TCF4: variants seen among roughly 807,000 people sequenced by gnomAD.
The protein encoded by TCF4 is transcription factor 4, also known as SL3-3 enhancer factor 2.
A neutral mutation model predicts 82.1 loss-of-function variants in TCF4; 3 were observed. The ratio of observed to expected loss-of-function variants is 0.04; its 90% CI spans 0.02 to 0.09. The LOEUF is 0.09. Ranked by LOEUF, TCF4 falls within the 10% of genes least tolerant of loss-of-function variation. The probability of loss-of-function intolerance (pLI) is 1.00; values close to 1 mark genes in which losing one functional copy is unlikely to be tolerated. For missense variants in TCF4, 518 were observed against 852.7 expected, an observed-to-expected ratio of 0.61 and a Z score of 4.89; for synonymous variants, 276 against 309.6, an observed-to-expected ratio of 0.89 and a Z score of 1.14.
At chr18:55,244,300 T>C (rs941682257) in intron 15 of TCF4, among the ~76,000 whole-genome samples, 1 of 152,198 alleles carries the variant, frequency 6.6e-6, no homozygotes, top group African/African-American at 2.4e-5. Flanking sequence ...TTGGAAGATA[T>C]AGTCAGTTAT....
chr18:55,613,875 A>G (rs1004705679), intron 2 of TCF4, among the ~76,000 whole-genome samples: 2 of 152,124 alleles, frequency 1.3e-5, no homozygotes, highest in African/African-American at 4.8e-5. Flanking sequence ...GTATGCCACA[A>G]TTTGTTTATC....
chr18:55,574,053 T>C (rs973854409), intron 3 of TCF4, among the ~76,000 whole-genome samples: 2 of 152,222 alleles, frequency 1.3e-5, no homozygotes, highest in Admixed American at 6.5e-5. Flanking sequence ...AAAATTTTAA[T>C]TTCTGCTCAA....
chr18:55,357,460 A>G (rs1174823051), intron 6 of TCF4, among the ~76,000 whole-genome samples: 1 of 152,218 alleles, frequency 6.6e-6, no homozygotes, highest in African/African-American at 2.4e-5. Flanking sequence ...TACTTGCCTT[A>G]AAAATGTTTC....
chr18:55,303,226 TACACACAC>T (rs74180496), intron 8 of TCF4, among the ~76,000 whole-genome samples: 196 of 136,060 alleles, frequency 1.4e-3, no homozygotes, highest in East Asian at 0.014. Flanking sequence ...TCCCAGTACG[TACACACAC>T]ACACACACAC....
intron 3 of TCF4, among the ~76,000 whole-genome samples, chr18:55,552,555 G>A (rs2097268985): frequency 6.6e-6 from 1 of 152,066 alleles, no homozygotes. Flanking sequence ...TTTTTCAGTC[G>A]CCAAGAGGAG....
At chr18:55,300,270 C>T (rs933060381) in intron 8 of TCF4, among the ~76,000 whole-genome samples, 1 of 152,204 alleles carries the variant, frequency 6.6e-6, no homozygotes, top group Non-Finnish European at 1.5e-5. Flanking sequence ...CTGTGGTACA[C>T]TTCCAACCAT....
intron 3 of TCF4, among the ~76,000 whole-genome samples, chr18:55,498,030 C>T (rs935296344): frequency 1.3e-5 from 2 of 152,218 alleles, no homozygotes; most frequent in African/African-American, 2.4e-5. Flanking sequence ...GGGTGACACA[C>T]GTGGCCATGG....
intron 6 of TCF4, among the ~76,000 whole-genome samples, chr18:55,361,809 C>T (rs2085268565): frequency 6.6e-6 from 1 of 152,176 alleles, no homozygotes; most frequent in Non-Finnish European, 1.5e-5. Flanking sequence ...GTTTGGTATG[C>T]CTCAGGCTGT....
At chr18:55,589,853 G>A (rs1467493474), upstream of TCF4, 14 of 1,001,702 alleles carry the variant, frequency 1.4e-5, no homozygotes, top group East Asian at 8.1e-5. Flanking sequence ...CAATGACTGG[G>A]AAGGGGCGGG....
intron 8 of TCF4, among the ~76,000 whole-genome samples, chr18:55,307,709 A>G (rs1459204814): frequency 6.6e-6 from 1 of 152,246 alleles, no homozygotes; most frequent in Non-Finnish European, 1.5e-5. Flanking sequence ...ACAAGCTGAA[A>G]GAGTGCACAG....
chr18:55,616,737 T>C (rs1436607910), intron 2 of TCF4, among the ~76,000 whole-genome samples: 4 of 152,134 alleles, frequency 2.6e-5, no homozygotes, highest in African/African-American at 7.2e-5. Flanking sequence ...GTTGTCCATT[T>C]ATATGTCTCT....
intron 5 of TCF4, among the ~76,000 whole-genome samples, chr18:55,448,059 A>G (rs1010111486): frequency 1.3e-5 from 2 of 152,142 alleles, no homozygotes; most frequent in African/African-American, 2.4e-5. Context: ...ATTAGAATGC[A>G]CTAAAATATT....
At chr18:55,482,492 A>G (rs577436197) in intron 3 of TCF4, among the ~76,000 whole-genome samples, 2 of 152,310 alleles carry the variant, frequency 1.3e-5, no homozygotes, top group East Asian at 3.9e-4. Flanking sequence ...GAAGGAGTAG[A>G]GTATACAGTA....
chr18:55,623,033 T>C (rs188517537), intron 2 of TCF4, among the ~76,000 whole-genome samples: 45 of 152,296 alleles, frequency 3.0e-4, no homozygotes, highest in African/African-American at 6.5e-4. Context: ...ACTCATTTTA[T>C]AGCTAATAAA....
At chr18:55,298,349 T>C (rs1268133638) in intron 8 of TCF4, among the ~76,000 whole-genome samples, 1 of 152,172 alleles carries the variant, frequency 6.6e-6, no homozygotes, top group Non-Finnish European at 1.5e-5. Flanking sequence ...CAGAATGGTG[T>C]TAGGGCTGAG....
rs1236309303 is a variant in TCF4 at position 55,485,764 on chromosome 18, A to AT, written c.146-21628dup. On this transcript the variant is annotated intron_variant, in intron 3 of 19. Transcript: ENST00000354452. ...TTTCCTCATGTATTTAGCTATACGCATTTTTCTGGGAAGACAGTCTACAGC... is the reference window on the plus strand; with the variant it reads ...TTTCCTCATGTATTTAGCTATACGCATTTTTTCTGGGAAGACAGTCTACAGC... Among the ~76,000 whole-genome samples the AT allele has an allele frequency of 2.6e-5, 4 of 152,152 alleles. No homozygotes were observed. The South Asian group carries it at 6.2e-4, about 24-fold the overall frequency.
intron 3 of TCF4, chr18:55,550,652 T>G (rs1179152800): frequency 6.6e-6 from 1 of 152,210 alleles, no homozygotes; most frequent in South Asian, 2.1e-4. Flanking sequence ...TAGGGACACA[T>G]TCCAAACAAT....
intron 3 of TCF4, among the ~76,000 whole-genome samples, chr18:55,464,531 T>C (rs1294455998): frequency 6.6e-6 from 1 of 152,216 alleles, no homozygotes; most frequent in Admixed American, 6.5e-5. Context: ...CTAACACCTT[T>C]AGCATCCTCG....
At chr18:55,341,284 C>T (rs1447952661) in intron 8 of TCF4, among the ~76,000 whole-genome samples, 1 of 152,164 alleles carries the variant, frequency 6.6e-6, no homozygotes, top group African/African-American at 2.4e-5. Flanking sequence ...CATGTTTCTT[C>T]ACCTCTCTGT....
Sources: allele counts gnomAD v4.1 joint callset (sites outside exome capture counted in the v4.1 genomes callset), GRCh38; gene constraint gnomAD v4.1.1; transcripts MANE v1.5; gene names NCBI Gene and HGNC (gene_info 2026-07-23, HGNC 2026-07-21).